The following PPRC1 variants were observed in gnomAD, a reference collection of about 807,000 sequenced individuals.
PPRC1 encodes the protein PPARG related coactivator 1.
PPRC1 carries 23 observed loss-of-function variants against 132.5 expected under a neutral mutation model. The ratio of observed to expected loss-of-function variants is 0.17; its 90% CI spans 0.12 to 0.25. The LOEUF (loss-of-function observed/expected upper bound fraction) is 0.25. Among genes scored for constraint, PPRC1 ranks in the 10% least tolerant of loss-of-function variants. PPRC1 has a pLI of 1.00. For missense variants in PPRC1, 2,006 were observed against 2,089.1 expected (o/e 0.96, Z 0.78); for synonymous variants, 872 against 833.5 (o/e 1.05, Z -0.80).
At chr10:102,145,720 C>G (rs1178267410) in intron 8 of PPRC1, among the ~76,000 whole-genome samples, 1 of 143,368 alleles carries the variant, frequency 7.0e-6, no homozygotes, top group Non-Finnish European at 1.5e-5. Context: ...AAAAAATTAG[C>G]CGGGCGTGAT....
upstream of PPRC1, among the ~76,000 whole-genome samples, chr10:102,132,733 C>T (rs1484521465): frequency 2.0e-5 from 3 of 152,246 alleles, no homozygotes; most frequent in Non-Finnish European, 4.4e-5. Context: ...GACGTTCCAA[C>T]AGTTGGACAA....
At chr10:102,128,225 C>T (rs571462392), upstream of PPRC1, among the ~76,000 whole-genome samples, 5 of 151,778 alleles carry the variant, frequency 3.3e-5, no homozygotes, top group African/African-American at 4.8e-5. Flanking sequence ...CTGCAACCTC[C>T]GACTCCCTGG....
chr10:102,143,159 G>C, intron 6 of PPRC1, 61 bp downstream of exon 6: 2 of 1,514,308 alleles, frequency 1.3e-6, no homozygotes, highest in East Asian at 2.3e-5. Context: ...TTTGGGCCCA[G>C]CCCTGTAGTT....
At chr10:102,145,851 C>A (rs1352062601) in intron 8 of PPRC1, among the ~76,000 whole-genome samples, 1 of 151,536 alleles carries the variant, frequency 6.6e-6, no homozygotes, top group Admixed American at 6.6e-5. Context: ...GGCGACAGGG[C>A]AAGACTCTGT....
In PPRC1 at chr10:102,148,832, G is replaced by A. The variant is rs749389504; in HGVS notation, c.4633G>A (p.Val1545Ile). Residue 1545 changes from valine to isoleucine, a missense_variant, in exon 12 of 14, where the codon GTC becomes ATC. Physicochemically the swap from Val to Ile is conservative, Grantham distance 29. Around this residue, in one of 2 missense-constraint regions of PPRC1, gnomAD observed 92 missense variants for 171.9 expected, o/e 0.54. Coordinates refer to ENST00000278070, the MANE Select transcript of PPRC1 (RefSeq NM_015062.5). This position sits in a 1 kb window ranked among gnomAD's most constrained non-coding sequence, Gnocchi z 4.2. ...CCAAACATAGGAAGAAAGAAGGGTG[G>A]TCTTCATTGGAAAGATACCTGGCCG... The part of the protein sequence containing the change: ...KERAIEERRV[V>I]FIGKIPGRMT... 1 of 1,614,148 alleles carries A rather than the reference G, an allele frequency of 6.2e-7. No individual in the cohort carries two copies. Among genetic ancestry groups the A allele is most frequent in the Non-Finnish European group, 8.5e-7 (1 of 1,180,026 alleles).
intron 8 of PPRC1, among the ~76,000 whole-genome samples, chr10:102,145,436 T>C (rs900077776): frequency 6.6e-6 from 1 of 151,098 alleles, no homozygotes; most frequent in South Asian, 2.1e-4. Context: ...TTGGGCGTGG[T>C]GGTACACGCC....
At position 102,140,673 on chromosome 10, in the gene PPRC1, T is replaced by C. The variant is rs2068928030; in HGVS notation, c.2165T>C (p.Ile722Thr). 1.2e-6 allele frequency: 2 copies of C among 1,613,926 alleles called. No homozygotes were observed. The highest frequency in any genetic ancestry group is 4.5e-5 in the East Asian group (2 of 44,866). The change falls in exon 5 of 14, where the codon ATC (isoleucine) becomes ACC (threonine). Residue 722 changes from isoleucine (I) to threonine (T), a missense_variant. Ile to Thr is a moderately conservative substitution (Grantham distance 89). Around this residue, in one of 2 missense-constraint regions of PPRC1, gnomAD observed 1,914 missense variants for 1,917.2 expected, o/e 1.00. Coordinates refer to ENST00000278070, the MANE Select transcript of PPRC1 (RefSeq NM_015062.5). ...ESESLDPPKT[I>T]IPEVKEVVDS... is the part of the protein sequence containing the mutation. ...GAGTCCTTGGACCCACCAAAGACCA[T>C]CATCCCTGAAGTCAAAGAGGTTGTG...
the PPRC1 span, among the ~76,000 whole-genome samples, chr10:102,120,814 G>A: frequency 6.6e-6 from 1 of 152,146 alleles, no homozygotes; most frequent in East Asian, 1.9e-4. Flanking sequence ...GCGGCTGGGG[G>A]AGGCGGAGCC....
At chr10:102,135,832 G>T (rs1395238903) in intron 1 of PPRC1, among the ~76,000 whole-genome samples, 2 of 152,204 alleles carry the variant, frequency 1.3e-5, no homozygotes, top group African/African-American at 4.8e-5. Flanking sequence ...GTGGGTGAAA[G>T]CTACTTGGGA....
Position 102,138,932 on chromosome 10 carries a change from C to T in PPRC1, c.543C>T (p.Thr181=), listed in dbSNP as rs766351374. Residue 181 remains threonine (T), a synonymous_variant, in exon 4 of 14, where the codon ACC becomes ACT. Transcript: ENST00000278070. The stretch of plus-strand genomic sequence containing the variant: ...CACCCCCAGAACGTGACCTCATCAC[C>T]CCAGTTGACCCACTGGGGCCCAGTA... ...SRTPPERDLI[T]PVDPLGPSTG... 4 of 1,614,170 alleles carry T rather than the reference C, an allele frequency of 2.5e-6. No homozygotes were observed. The highest frequency in any genetic ancestry group is 3.4e-6 in the Non-Finnish European group (4 of 1,180,016).
intron 1 of PPRC1, among the ~76,000 whole-genome samples, chr10:102,136,888 C>T (rs544564736): frequency 2.0e-5 from 3 of 152,146 alleles, no homozygotes; most frequent in Admixed American, 6.5e-5. Flanking sequence ...CACGAGAGGC[C>T]GTAAATGCTG....
At chr10:102,145,534 G>A (rs2133701088) in intron 8 of PPRC1, among the ~76,000 whole-genome samples, 1 of 149,006 alleles carries the variant, frequency 6.7e-6, no homozygotes, top group African/African-American at 2.5e-5. Flanking sequence ...TCGTGCCACT[G>A]CACTCCAGCC....
chr10:102,150,227 G>A lies in PPRC1; in HGVS notation c.*198G>A, dbSNP rs1449799344. 2.0e-6 allele frequency: 1 copy of A among 504,214 alleles called. No individual in the cohort carries two copies. Among genetic ancestry groups the A allele is most frequent in the Non-Finnish European group, 3.6e-6 (1 of 278,216 alleles). The allele number at this position is 504,214 out of a possible 1,614,324, so 31.2% of individuals were successfully genotyped here. A position where few individuals can be genotyped will look rare whatever the true frequency, so the allele number is the denominator to read the frequency against. ...TTTTTTATAACAGGTATTGAAACAA[G>A]TTAACTTGCATTCCTATGTAAGATA... is the stretch of plus-strand genomic sequence containing the variant. On this transcript the variant is annotated 3_prime_UTR_variant, in exon 14 of 14. Transcript: ENST00000278070.
chr10:102,135,807 G>A (rs1314354752), intron 1 of PPRC1, among the ~76,000 whole-genome samples: 3 of 152,220 alleles, frequency 2.0e-5, no homozygotes, highest in Non-Finnish European at 4.4e-5. Context: ...TTGAACCCTG[G>A]AGGGAGCAGG....
intron 13 of PPRC1, 50 bp downstream of exon 13, chr10:102,149,379 G>A (rs749856926): frequency 3.3e-6 from 5 of 1,514,416 alleles, no homozygotes; most frequent in Non-Finnish European, 4.4e-6. Flanking sequence ...CCCCTCCCCA[G>A]AAGGGTTCCT....
chr10:102,141,485 T>G lies in PPRC1; in HGVS notation c.2977T>G (p.Phe993Val). Residue 993 changes from phenylalanine to valine, a missense_variant, in exon 5 of 14, where the codon TTC (phenylalanine) becomes GTC (valine). This residue lies in a region of PPRC1 where 1,914 missense variants were observed against 1,917.2 expected (regional missense o/e 1.00). Transcript: ENST00000278070. ...GGGCCCAGGGCCTCAACATGCTCCA[T>G]TCTGGTCTACTGTTCCCCCACCTCC... is the stretch of plus-strand genomic sequence containing the variant. ...GWGPGPQHAP[F>V]WSTVPPPPLP... 1 of 1,613,860 alleles carries G rather than the reference T, an allele frequency of 6.2e-7. No individual in the cohort carries two copies. The highest frequency in any genetic ancestry group is 8.5e-7 in the Non-Finnish European group (1 of 1,179,956).
intron 6 of PPRC1, among the ~76,000 whole-genome samples, chr10:102,143,388 C>T (rs2069081473): frequency 6.6e-6 from 1 of 152,052 alleles, no homozygotes; most frequent in South Asian, 2.1e-4. Context: ...ATCATGAGGT[C>T]AGGAGTTTGA....
chr10:102,121,824 T>C, the PPRC1 span, among the ~76,000 whole-genome samples: 1 of 152,158 alleles, frequency 6.6e-6, no homozygotes, highest in Non-Finnish European at 1.5e-5. Flanking sequence ...TTGAGAAGGC[T>C]GTTTGGTTCC....
intron 1 of PPRC1, among the ~76,000 whole-genome samples, chr10:102,137,076 C>T (rs1277602941): frequency 5.9e-5 from 9 of 152,186 alleles, no homozygotes; most frequent in Non-Finnish European, 1.0e-4. Context: ...TGGCGGCTCA[C>T]GCCTGTAATC....
Sources: allele counts gnomAD v4.1 joint callset (sites outside exome capture counted in the v4.1 genomes callset), GRCh38; gene constraint gnomAD v4.1.1; regional missense constraint gnomAD v4.1.1; non-coding constraint Gnocchi (gnomAD v3.1); transcripts MANE v1.5; gene names NCBI Gene and HGNC (gene_info 2026-07-23, HGNC 2026-07-21).